The following CHD8 variants were observed in gnomAD, a reference collection of about 807,000 sequenced individuals.
CHD8 encodes chromodomain helicase DNA binding protein 8, also known as ATP-dependent chromatin remodeler CHD8.
Under a neutral mutation model 279.2 loss-of-function variants are expected in CHD8, and 31 were observed. That is an observed-to-expected ratio of 0.11 (90% CI 0.08 to 0.15). The LOEUF (loss-of-function observed/expected upper bound fraction) is 0.15. CHD8 is among the 10% of genes least tolerant of loss of function. The pLI, the probability that CHD8 is intolerant of heterozygous loss-of-function variation, is 1.00. For missense variants in CHD8, 2,146 were observed against 3,230.5 expected, an observed-to-expected ratio of 0.66 and a Z score of 8.14; for synonymous variants, 1,081 against 1,139.6, an observed-to-expected ratio of 0.95 and a Z score of 1.04.
chr14:21,425,041 A>G (rs1889246913), intron 5 of CHD8, among the ~76,000 whole-genome samples: 1 of 152,164 alleles, frequency 6.6e-6, no homozygotes, highest in African/African-American at 2.4e-5. Flanking sequence ...TGGTACCATA[A>G]GGCAACAAAT....
chr14:21,399,900 A>G, intron 25 of CHD8, 81 bp downstream of exon 25: 2 of 1,231,290 alleles, frequency 1.6e-6, no homozygotes, highest in Non-Finnish European at 2.4e-6. Context: ...TATCCCAAAG[A>G]TAGCATAAAA....
chr14:21,395,223 T>C, intron 29 of CHD8, 75 bp downstream of exon 29: 8 of 1,525,442 alleles, frequency 5.2e-6, no homozygotes, highest in South Asian at 3.5e-5. Context: ...AATCCCAGGA[T>C]AGGACAGAAT....
At position 21,402,972 on chromosome 14, in the gene CHD8, C is replaced by A; in HGVS notation, c.3714+45G>T. On this transcript the variant is annotated intron_variant, in intron 18 of 37. Coordinates refer to ENST00000646647, the MANE Select transcript of CHD8 (RefSeq NM_001170629.2). The surrounding 1 kb of genome is among the most constrained non-coding windows in gnomAD (Gnocchi z 4.5). ...AAAGATCCTATTCTTGTTGAAAAAT[C>A]TCCCAAGTTAGGTAGTTAGTCCCTA... 1 of 1,487,062 alleles carries A rather than the reference C, an allele frequency of 6.7e-7. No individual in the cohort carries two copies. Among genetic ancestry groups the A allele is most frequent in the Non-Finnish European group, 9.2e-7 (1 of 1,083,984 alleles). 92.1% of individuals were successfully genotyped at this position (1,487,062 alleles called of 1,614,324 possible).
intron 10 of CHD8, 83 bp downstream of exon 10, chr14:21,412,830 A>C: frequency 1.2e-6 from 1 of 828,996 alleles, no homozygotes; most frequent in South Asian, 1.4e-5. Context: ...TTCTGCATCC[A>C]TACCCGAAAA....
intron 1 of CHD8, among the ~76,000 whole-genome samples, chr14:21,438,512 T>TAAAAAAAAAA (rs559681631): frequency 6.2e-5 from 7 of 112,450 alleles, no homozygotes; most frequent in Admixed American, 9.6e-5. Context: ...CCTAGTCTCT[T>TAAAAAAAAAA]AAAAAAAAAA....
chr14:21,418,753 T>G (rs1055130540), intron 5 of CHD8, among the ~76,000 whole-genome samples: 4 of 152,216 alleles, frequency 2.6e-5, no homozygotes, highest in Non-Finnish European at 5.9e-5. Flanking sequence ...GAGGCGGAGC[T>G]TGCAGGGAGC....
At chr14:21,401,590 A>T in intron 20 of CHD8, 77 bp from the exon 21 acceptor site, 1 of 964,746 alleles carries the variant, frequency 1.0e-6, no homozygotes, top group Non-Finnish European at 1.5e-6. Context: ...TGTTTTAAAA[A>T]CATTTTTTTT....
At chr14:21,438,512 T>TAAAAAAAA (rs559681631) in intron 1 of CHD8, among the ~76,000 whole-genome samples, 1 of 112,502 alleles carries the variant, frequency 8.9e-6, no homozygotes, top group Non-Finnish European at 1.7e-5. Flanking sequence ...CCTAGTCTCT[T>TAAAAAAAA]AAAAAAAAAA....
intron 5 of CHD8, 66 bp from the exon 6 acceptor site, chr14:21,415,973 T>C: frequency 2.2e-6 from 3 of 1,348,364 alleles, no homozygotes; most frequent in Non-Finnish European, 3.1e-6. Flanking sequence ...TTAAAATTAT[T>C]TGCTCATGGT....
At chr14:21,449,069 G>C (rs1890196535) in intron 1 of CHD8, among the ~76,000 whole-genome samples, 1 of 152,048 alleles carries the variant, frequency 6.6e-6, no homozygotes, top group African/African-American at 2.4e-5. Context: ...AGCTACTCGG[G>C]AGGCTGAGGC....
chr14:21,434,148 C>T (rs1473701444), intron 1 of CHD8, among the ~76,000 whole-genome samples: 2 of 150,958 alleles, frequency 1.3e-5, no homozygotes, highest in East Asian at 2.0e-4. Flanking sequence ...TGGGTTCAAG[C>T]GATTCTCCTG....
chr14:21,411,358 C>T (rs1463462794), intron 10 of CHD8, among the ~76,000 whole-genome samples: 5 of 152,112 alleles, frequency 3.3e-5, no homozygotes, highest in South Asian at 2.1e-4. Context: ...TGAATTCTAC[C>T]GTGTCCTGGA....
chr14:21,434,795 T>A (rs1889711764), intron 1 of CHD8, among the ~76,000 whole-genome samples: 2 of 152,224 alleles, frequency 1.3e-5, no homozygotes, highest in Non-Finnish European at 2.9e-5. Context: ...TGTCCTTGAC[T>A]CTTACAAGAT....
intron 37 of CHD8, 74 bp from the exon 38 acceptor site, chr14:21,386,250 C>T: frequency 6.5e-6 from 9 of 1,379,158 alleles, no homozygotes; most frequent in South Asian, 1.4e-5. Flanking sequence ...CCAACAGAGT[C>T]CTAGCTTACA....
At chr14:21,445,872 C>T (rs540740427) in intron 1 of CHD8, among the ~76,000 whole-genome samples, 205 of 152,062 alleles carry the variant, frequency 1.3e-3, no homozygotes, top group African/African-American at 4.4e-3. Flanking sequence ...TGGTAGCGGG[C>T]ACCTGTAATC....
At chr14:21,443,345 T>A (rs1890032520) in intron 1 of CHD8, among the ~76,000 whole-genome samples, 1 of 150,606 alleles carries the variant, frequency 6.6e-6, no homozygotes, top group Non-Finnish European at 1.5e-5. Context: ...GAGCCGAGAC[T>A]GCGCCACTGC....
chr14:21,441,631 G>C (rs1337033223), intron 1 of CHD8, among the ~76,000 whole-genome samples: 1 of 152,098 alleles, frequency 6.6e-6, no homozygotes, highest in African/African-American at 2.4e-5. Context: ...GCTCATGCCT[G>C]TAATCCCAGC....
intron 1 of CHD8, among the ~76,000 whole-genome samples, chr14:21,441,587 A>G (rs905985594): frequency 2.6e-5 from 4 of 152,148 alleles, no homozygotes; most frequent in Non-Finnish European, 4.4e-5. Context: ...GTTTAGCCAT[A>G]TTGAAAATGA....
At chr14:21,394,605 C>CAA (rs3068337) in intron 30 of CHD8, 120 bp from the exon 31 acceptor site, 24,469 of 108,300 alleles carry the variant, frequency 0.23, 4,364 homozygotes, top group African/African-American at 0.35. Context: ...AAAGTAGACG[C>CAA]AAAAAAAAAA....
Sources: allele counts gnomAD v4.1 joint callset (sites outside exome capture counted in the v4.1 genomes callset), GRCh38; gene constraint gnomAD v4.1.1; non-coding constraint Gnocchi (gnomAD v3.1); transcripts MANE v1.5; gene names NCBI Gene and HGNC (gene_info 2026-07-23, HGNC 2026-07-21).